Variants in TFEC observed in about 807,000 individuals in gnomAD.
TFEC encodes the protein class E basic helix-loop-helix protein 34.
Under a neutral mutation model 41.6 loss-of-function variants are expected in TFEC, and 31 were observed. That is an observed-to-expected ratio of 0.74 (90% CI 0.56 to 1.01). TFEC has a LOEUF of 1.01. Among genes scored for constraint, TFEC ranks in the 50% least tolerant of loss-of-function variants. TFEC has a pLI of 0.00. For missense variants in TFEC, 402 were observed against 404.1 expected (o/e 0.99, Z 0.04); for synonymous variants, 143 against 140.6 (o/e 1.02, Z -0.12).
chr7:116,076,963 T>A (rs754092445), intron 3 of TFEC, among the ~76,000 whole-genome samples: 2 of 152,086 alleles, frequency 1.3e-5, no homozygotes, highest in Non-Finnish European at 2.9e-5. Flanking sequence ...CATCACCTAG[T>A]CACATAGTCA....
chr7:116,020,656 C>G (rs781663429), intron 1 of TFEC, among the ~76,000 whole-genome samples: 2 of 151,916 alleles, frequency 1.3e-5, no homozygotes, highest in African/African-American at 4.8e-5. Flanking sequence ...AAATAGAATA[C>G]GTAAAGTGAC....
chr7:115,961,051 T>A (rs959592169), intron 3 of TFEC, among the ~76,000 whole-genome samples: 1 of 151,618 alleles, frequency 6.6e-6, no homozygotes, highest in Admixed American at 6.6e-5. Context: ...CCAAAAATAG[T>A]GGAAGACTTT....
rs181490029 is a variant in TFEC at position 116,066,611 on chromosome 7, G to A, written c.198+44097C>T. ...AGCCTAGGAAAAGTGGAAAATATTT[G>A]AGTGTTTGAATGTAACTGGGCAATG... On this transcript the variant is annotated intron_variant, in intron 3 of 8. Coordinates refer to the TFEC transcript ENST00000484212. Among the ~76,000 whole-genome samples, 6 of 152,104 alleles carry A rather than the reference G, an allele frequency of 3.9e-5. No homozygotes were observed. The East Asian group carries it at 1.2e-3, about 29-fold the overall frequency.
In TFEC at chr7:116,030,137, A is replaced by T. The variant is rs1469380312; in HGVS notation, c.-73+496T>A. ...TATTTAGATCCACATCTACATAAAA[A>T]TAGGAATTAATTTTTAGTCCTGGAA... On this transcript the variant is annotated intron_variant, in intron 1 of 7. Transcript: ENST00000265440. 2.0e-5 allele frequency among the ~76,000 whole-genome samples: 3 copies of T among 152,196 alleles called. No homozygotes were observed. In the East Asian group the frequency reaches 5.8e-4, roughly 29 times the overall value.
At chr7:116,001,746 C>T (rs1794604873) in intron 1 of TFEC, among the ~76,000 whole-genome samples, 3 of 152,038 alleles carry the variant, frequency 2.0e-5, no homozygotes. Context: ...GCAAACTAGT[C>T]ATCTGACATG....
At chr7:116,074,073 G>T (rs972802444) in intron 3 of TFEC, among the ~76,000 whole-genome samples, 2 of 151,448 alleles carry the variant, frequency 1.3e-5, no homozygotes, top group Non-Finnish European at 3.0e-5. Context: ...AACTTAAAAT[G>T]GATCTCAGAC....
Position 115,956,768 on chromosome 7 carries a change from T to C in TFEC, c.293A>G (p.Tyr98Cys). 1 of 1,592,608 alleles carries C rather than the reference T, an allele frequency of 6.3e-7. No homozygotes were observed. Among genetic ancestry groups the C allele is most frequent in the Non-Finnish European group, 8.6e-7 (1 of 1,169,272 alleles). Residue 98 changes from tyrosine to cysteine, a missense_variant, in exon 4 of 8, where the codon TAT becomes TGT. Coordinates refer to ENST00000265440, the MANE Select transcript of TFEC (RefSeq NM_012252.4). ...RTLSGSILDVYSGEQGISPIN... is the reference protein window; with the variant it reads ...RTLSGSILDVCSGEQGISPIN... ...TGGTGAAATTCCTTGTTCACCGCTA[T>C]ACACATCCAAAATACTTCCAGATAA... is the stretch of plus-strand genomic sequence containing the variant.
intron 6 of TFEC, among the ~76,000 whole-genome samples, chr7:115,942,824 G>A (rs1427267328): frequency 6.6e-6 from 1 of 151,956 alleles, no homozygotes; most frequent in East Asian, 1.9e-4. Context: ...TTTGATATCT[G>A]AAAATATACA....
intron 3 of TFEC, among the ~76,000 whole-genome samples, chr7:116,045,797 C>T (rs562330604): frequency 2.0e-5 from 3 of 152,312 alleles, no homozygotes; most frequent in South Asian, 4.1e-4. Flanking sequence ...CAATGCCAGC[C>T]GGTGAAAGCA....
chr7:116,075,299 A>G (rs1016411289), intron 3 of TFEC, among the ~76,000 whole-genome samples: 1 of 152,174 alleles, frequency 6.6e-6, no homozygotes, highest in African/African-American at 2.4e-5. Context: ...ACCCACCCGG[A>G]TAGACAGAGC....
At chr7:116,075,271 GC>G (rs763394500) in intron 3 of TFEC, among the ~76,000 whole-genome samples, 2 of 152,118 alleles carry the variant, frequency 1.3e-5, no homozygotes, top group Non-Finnish European at 2.9e-5. Context: ...CGGACAGGTG[GC>G]AGGACTAGCT....
intron 1 of TFEC, among the ~76,000 whole-genome samples, chr7:116,115,410 C>T (rs1797965281): frequency 1.3e-5 from 2 of 151,932 alleles, no homozygotes; most frequent in Non-Finnish European, 2.9e-5. Flanking sequence ...TTTTAGGAGG[C>T]TTTATGGGAT....
chr7:115,946,396 CGTGT>C (rs3028673), intron 6 of TFEC, among the ~76,000 whole-genome samples: 3,879 of 123,038 alleles, frequency 0.032, 144 homozygotes, highest in African/African-American at 0.092. Context: ...AGAAACATAA[CGTGT>C]GTGTGTGTGT....
intron 3 of TFEC, among the ~76,000 whole-genome samples, chr7:115,960,500 G>A (rs1792482572): frequency 6.6e-6 from 1 of 151,546 alleles, no homozygotes; most frequent in Non-Finnish European, 1.5e-5. Flanking sequence ...TAATGGCAGT[G>A]GATCCAAGAT....
At chr7:116,100,360 G>A (rs1797576289) in intron 3 of TFEC, among the ~76,000 whole-genome samples, 1 of 152,036 alleles carries the variant, frequency 6.6e-6, no homozygotes, top group Non-Finnish European at 1.5e-5. Flanking sequence ...AGTAATTTGT[G>A]AAATTTACTA....
intron 1 of TFEC, among the ~76,000 whole-genome samples, chr7:116,150,027 T>C (rs1027328702): frequency 9.2e-5 from 14 of 151,680 alleles, no homozygotes; most frequent in African/African-American, 3.4e-4. Flanking sequence ...CCTCCCTATC[T>C]TGTTTCCCCA....
Position 115,941,980 on chromosome 7 carries a change from T to A in TFEC, c.576A>T (p.Leu192=), listed in dbSNP as rs1323531853. ...LKASVEYIKW[L]QKEQQRAREL... is the part of the protein sequence containing the mutation. ...CTCGGGCTCTCTGTTGTTCTTTTTGTAGCCACTTGATGTACTCCACTGATG... is the reference window on the plus strand; with the variant it reads ...CTCGGGCTCTCTGTTGTTCTTTTTGAAGCCACTTGATGTACTCCACTGATG... Residue 192 remains leucine (L), a synonymous_variant, in exon 7 of 8, where the codon CTA becomes CTT. Transcript: ENST00000265440. 6.2e-7 allele frequency: 1 copy of A among 1,613,056 alleles called. No individual in the cohort carries two copies. The highest frequency in any genetic ancestry group is 2.2e-5 in the East Asian group (1 of 44,842).
At chr7:116,078,178 A>G (rs1430398652) in intron 3 of TFEC, among the ~76,000 whole-genome samples, 1 of 151,868 alleles carries the variant, frequency 6.6e-6, no homozygotes, top group African/African-American at 2.4e-5. Context: ...CTGAATGATC[A>G]TTGGGTCAAC....
chr7:115,940,414 C>G lies in TFEC; in HGVS notation c.*137G>C. 1.1e-6 allele frequency: 1 copy of G among 927,270 alleles called. No homozygotes were observed. The highest frequency in any genetic ancestry group is 2.3e-5 in the South Asian group (1 of 44,104). The allele number at this position is 927,270 out of a possible 1,614,324, so 57.4% of individuals were successfully genotyped here. On this transcript the variant is annotated 3_prime_UTR_variant, in exon 8 of 8. Transcript: ENST00000265440. Reference sequence around the variant, plus strand: ...TTTCTTCCTGCGAATTCTTCTGTTGCTTCTATCAGTTTTTCATGAACAACA... The same window carrying G: ...TTTCTTCCTGCGAATTCTTCTGTTGGTTCTATCAGTTTTTCATGAACAACA...
Sources: gnomAD v4.1 joint callset for allele counts (sites outside exome capture counted in the v4.1 genomes callset) on GRCh38, gnomAD v4.1.1 for gene constraint, MANE v1.5 for transcripts, NCBI Gene and HGNC (gene_info 2026-07-23, HGNC 2026-07-21) for gene names.